The following CENPL variants were observed in gnomAD, a reference collection of about 807,000 sequenced individuals.
The protein encoded by CENPL is interphase centromere complex protein 33.
A neutral mutation model predicts 35.2 loss-of-function variants in CENPL; 20 were observed. The ratio of observed to expected loss-of-function variants is 0.57; its 90% CI spans 0.40 to 0.83. The LOEUF (loss-of-function observed/expected upper bound fraction) is 0.83. Ranked by LOEUF, CENPL falls within the 40% of genes least tolerant of loss-of-function variation. The pLI, the probability that CENPL is intolerant of heterozygous loss-of-function variation, is 0.00. For synonymous variants in CENPL, 140 were observed against 140.6 expected (o/e 1.00, Z 0.03); for missense variants, 363 against 395.8 (o/e 0.92, Z 0.70).
At chr1:173,821,162 T>C (rs546272089) in intron 2 of CENPL, among the ~76,000 whole-genome samples, 1 of 152,382 alleles carries the variant, frequency 6.6e-6, no homozygotes, top group East Asian at 1.9e-4. Context: ...TTCATCATGT[T>C]TCAGGTACTC....
At chr1:173,810,724 T>C (rs1650729860) in intron 3 of CENPL, among the ~76,000 whole-genome samples, 1 of 151,966 alleles carries the variant, frequency 6.6e-6, no homozygotes, top group Admixed American at 6.6e-5. Flanking sequence ...ATCGAGACCA[T>C]CCTGGCTAAC....
chr1:173,811,032 T>C, intron 3 of CENPL, 100 bp downstream of exon 3: 2 of 1,037,410 alleles, frequency 1.9e-6, no homozygotes, highest in Non-Finnish European at 2.9e-6. Flanking sequence ...AGCTGAGGGG[T>C]TAAGAAGATA....
At chr1:173,814,835 G>C (rs752833819) in intron 2 of CENPL, among the ~76,000 whole-genome samples, 8 of 152,034 alleles carry the variant, frequency 5.3e-5, no homozygotes, top group Non-Finnish European at 1.2e-4. Context: ...ACAAAGATCA[G>C]AGCAAAACTG....
rs1650802835 is a variant in CENPL at position 173,811,320 on chromosome 1, A to C, written c.-7-14T>G. 3 of 1,558,972 alleles carry C rather than the reference A, an allele frequency of 1.9e-6. No homozygotes were observed. The highest frequency in any genetic ancestry group is 2.7e-5 in the African/African-American group (2 of 73,214). ...TCCATGGTCTGTCTGCATAAGAAGA[A>C]ACAAAACCAGAATTCTAAGCACTAA... On this transcript the variant is annotated splice_polypyrimidine_tract_variant and intron_variant, in intron 2 of 5. Transcript: ENST00000682279.
At chr1:173,815,476 A>G (rs1194909850) in intron 2 of CENPL, among the ~76,000 whole-genome samples, 1 of 152,202 alleles carries the variant, frequency 6.6e-6, no homozygotes, top group African/African-American at 2.4e-5. Context: ...CACATCAAAA[A>G]GCTTATCCAC....
intron 3 of CENPL, among the ~76,000 whole-genome samples, chr1:173,808,913 T>C (rs1650526587): frequency 6.6e-6 from 1 of 152,156 alleles, no homozygotes; most frequent in South Asian, 2.1e-4. Flanking sequence ...CTAAAGGGCT[T>C]CTGCACAGCA....
Position 173,803,200 on chromosome 1 carries a change from A to G in CENPL, c.726T>C (p.Ser242=). 1.9e-6 allele frequency: 3 copies of G among 1,613,798 alleles called. No individual in the cohort carries two copies. The highest frequency in any genetic ancestry group is 2.5e-6 in the Non-Finnish European group (3 of 1,179,634). The change falls in exon 5 of 6, where the codon TCT becomes TCC. Residue 242 remains serine, a synonymous_variant. Coordinates refer to ENST00000682279, the MANE Select transcript of CENPL (RefSeq NM_001387287.1). The part of the protein sequence containing the change: ...HYVATTEFLW[S]VPCSPQSLDI... ...CCAGACTTTGAGGGCTACAGGGTAC[A>G]GACCAAAGAAATTCAGTAGTAGCCA... is the stretch of plus-strand genomic sequence containing the variant.
intron 5 of CENPL, among the ~76,000 whole-genome samples, chr1:173,802,049 GA>G (rs927706412): frequency 6.6e-6 from 1 of 151,368 alleles, no homozygotes; most frequent in Non-Finnish European, 1.5e-5. Flanking sequence ...AGCACACACA[GA>G]AAAAACACCT....
rs1036298651 is a variant in CENPL at position 173,815,791 on chromosome 1, C to T, written c.-7-4485G>A. Among the ~76,000 whole-genome samples, 7 of 152,282 alleles carry T rather than the reference C, an allele frequency of 4.6e-5. No individual in the cohort carries two copies. In the East Asian group the frequency reaches 1.4e-3, roughly 29 times the overall value. On this transcript the variant is annotated intron_variant, in intron 2 of 5. Transcript: ENST00000682279. ...AAAACTGGCACAAGACAGGGATGCC[C>T]TCTCTCACCACTCCTATTCAATATA...
At chr1:173,806,070 A>C (rs1650198876) in intron 4 of CENPL, among the ~76,000 whole-genome samples, 1 of 152,212 alleles carries the variant, frequency 6.6e-6, no homozygotes, top group Non-Finnish European at 1.5e-5. Flanking sequence ...AAGCAGCCAC[A>C]GACAATATAT....
Position 173,807,488 on chromosome 1 carries a change from G to T in CENPL, c.199C>A (p.Leu67Ile). 1 of 1,520,854 alleles carries T rather than the reference G, an allele frequency of 6.6e-7. No individual in the cohort carries two copies. The highest frequency in any genetic ancestry group is 8.9e-7 in the Non-Finnish European group (1 of 1,128,116). The allele number at this position is 1,520,854 out of a possible 1,614,324, so 94.2% of individuals were successfully genotyped here. A position where few individuals can be genotyped will look rare whatever the true frequency, so the allele number is the denominator to read the frequency against. The change falls in exon 4 of 6, where the codon CTT (leucine) becomes ATT (isoleucine). Residue 67 changes from leucine (L) to isoleucine (I), a missense_variant. By Grantham distance (5) the Leu-to-Ile change is conservative (BLOSUM62 2). Coordinates refer to ENST00000682279, the MANE Select transcript of CENPL (RefSeq NM_001387287.1). ...TATAAAGTCCACTGTTTATGCAGAA[G>T]GAATGCAACCTTTTGAGGGTCAACA... is the stretch of plus-strand genomic sequence containing the variant. The part of the protein sequence containing the change: ...EDVDPQKVAF[L>I]LHKQWTLYSL...
chr1:173,802,908 A>C lies in CENPL; in HGVS notation c.963+55T>G, dbSNP rs1051851798. ...TGAGTGGACAATACAATCATCATAC[A>C]TTTTTAAAACCATAAAACAAGGAAA... On this transcript the variant is annotated intron_variant, in intron 5 of 5. Transcript: ENST00000682279. 10 of 1,213,248 alleles carry C rather than the reference A, an allele frequency of 8.2e-6. No individual in the cohort carries two copies. The African/African-American group carries it at 1.2e-4, about 15-fold the overall frequency. 75.2% of individuals were successfully genotyped at this position (1,213,248 alleles called of 1,614,324 possible). A position where few individuals can be genotyped will look rare whatever the true frequency, so the allele number is the denominator to read the frequency against.
chr1:173,803,134 T>C lies in CENPL; in HGVS notation c.792A>G (p.Leu264=), dbSNP rs750682569. Residue 264 remains leucine (L), a synonymous_variant, in exon 5 of 6, where the codon CTA becomes CTG. Transcript: ENST00000682279. The stretch of plus-strand genomic sequence containing the variant: ...CAGGTGTTTTGTGGACACTGTCCCA[T>C]AGAGCTTTTGCATCCTCTGGATGTA... ...FAIHPEDAKA[L]WDSVHKTPGE... 3.1e-6 allele frequency: 5 copies of C among 1,614,026 alleles called. No individual in the cohort carries two copies. The South Asian group carries it at 3.3e-5, about 11-fold the overall frequency.
In CENPL at chr1:173,800,213, T is replaced by G. The variant is rs1571955012; in HGVS notation, c.*235A>C. 3.1e-6 allele frequency: 1 copy of G among 317,476 alleles called. No individual in the cohort carries two copies. Among genetic ancestry groups the G allele is most frequent in the East Asian group, 5.1e-5 (1 of 19,708 alleles). The allele number at this position is 317,476 out of a possible 1,614,324, so 19.7% of individuals were successfully genotyped here. A position where few individuals can be genotyped will look rare whatever the true frequency, so the allele number is the denominator to read the frequency against. ...AATTAACAACTCAGCATTTTGAGAA[T>G]GGCATGTCAGGTTATCATGATTAGT... On this transcript the variant is annotated 3_prime_UTR_variant, in exon 6 of 6. Transcript: ENST00000682279.
chr1:173,813,172 A>C (rs1015402542), intron 2 of CENPL, among the ~76,000 whole-genome samples: 2 of 152,268 alleles, frequency 1.3e-5, no homozygotes, highest in African/African-American at 4.8e-5. Flanking sequence ...ATATGGGACT[A>C]TGTGAAAATA....
chr1:173,807,151 C>T (rs1650305113), intron 4 of CENPL, 116 bp downstream of exon 4: 2 of 782,056 alleles, frequency 2.6e-6, no homozygotes, highest in Non-Finnish European at 3.6e-6. Context: ...TGTACACAAA[C>T]TACCTATATA....
intron 4 of CENPL, chr1:173,806,541 G>T: frequency 2.4e-6 from 1 of 422,272 alleles, no homozygotes; most frequent in Non-Finnish European, 4.8e-6. Flanking sequence ...CCAAGATCGT[G>T]CCACTGTACT....
chr1:173,815,989 T>A (rs1651334570), intron 2 of CENPL, among the ~76,000 whole-genome samples: 1 of 152,156 alleles, frequency 6.6e-6, no homozygotes, highest in Non-Finnish European at 1.5e-5. Flanking sequence ...TTCAGCAAAG[T>A]CTCAGGATAC....
intron 3 of CENPL, among the ~76,000 whole-genome samples, chr1:173,809,805 A>G (rs770719902): frequency 8.5e-5 from 13 of 152,142 alleles, no homozygotes; most frequent in Non-Finnish European, 1.8e-4. Flanking sequence ...ATTACAAAGT[A>G]AAAAAACAAC....
Sources: allele counts gnomAD v4.1 joint callset (sites outside exome capture counted in the v4.1 genomes callset), GRCh38; gene constraint gnomAD v4.1.1; transcripts MANE v1.5; gene names NCBI Gene and HGNC (gene_info 2026-07-23, HGNC 2026-07-21).